Variants in UBE2E2 observed in about 807,000 individuals in gnomAD.
UBE2E2 encodes ubiquitin-conjugating enzyme E2 E2.
Under a neutral mutation model 24.7 loss-of-function variants are expected in UBE2E2, and 6 were observed. The observed-to-expected ratio is 0.24, with a 90% CI of 0.13 to 0.48. The LOEUF is 0.48. Among genes scored for constraint, UBE2E2 ranks in the 20% least tolerant of loss-of-function variants. UBE2E2 has a pLI of 0.99. For missense variants in UBE2E2, 169 were observed against 245.0 expected (o/e 0.69, Z 2.07); for synonymous variants, 104 against 83.6 (o/e 1.24, Z -1.33).
At chr3:23,332,026 T>A (rs1041138124) in intron 3 of UBE2E2, among the ~76,000 whole-genome samples, 1 of 152,224 alleles carries the variant, frequency 6.6e-6, no homozygotes, top group Non-Finnish European at 1.5e-5. Flanking sequence ...TTTACCTTAA[T>A]ACGGATCTGA....
intron 3 of UBE2E2, among the ~76,000 whole-genome samples, chr3:23,268,978 G>A (rs1474472340): frequency 6.6e-6 from 1 of 151,854 alleles, no homozygotes; most frequent in Admixed American, 6.6e-5. Flanking sequence ...AATAAATGGT[G>A]CTGGGAAAAC....
rs367718010 is a variant in UBE2E2 at position 23,424,415 on chromosome 3, A to G, written c.228-75193A>G. Among the ~76,000 whole-genome samples the G allele has an allele frequency of 3.3e-5, 5 of 151,136 alleles. No homozygotes were observed. In the East Asian group the frequency reaches 5.9e-4, roughly 18 times the overall value. On this transcript the variant is annotated intron_variant, in intron 3 of 5. Coordinates refer to ENST00000396703, the MANE Select transcript of UBE2E2 (RefSeq NM_152653.4). ...GGTAGCCTTTCTGGGAGGAGAGCAC[A>G]TATTAACTGACTTAAACACCTTTGT...
At chr3:23,411,257 G>A (rs115867739) in intron 3 of UBE2E2, among the ~76,000 whole-genome samples, 2,530 of 152,302 alleles carry the variant, frequency 0.017, 29 homozygotes, top group Non-Finnish European at 0.028. Flanking sequence ...GTCAGAAGCA[G>A]TTTGGCTGAT....
intron 4 of UBE2E2, among the ~76,000 whole-genome samples, chr3:23,519,330 A>G (rs2125473246): frequency 6.6e-6 from 1 of 152,200 alleles, no homozygotes; most frequent in African/African-American, 2.4e-5. Flanking sequence ...AATTCAAATC[A>G]TCACATAGTA....
chr3:23,437,074 C>T (rs970862458), intron 3 of UBE2E2, among the ~76,000 whole-genome samples: 26 of 152,348 alleles, frequency 1.7e-4, no homozygotes, highest in Non-Finnish European at 1.2e-4. Context: ...TGAGCTGGCC[C>T]CTGCCTGCTT....
At chr3:23,554,292 C>A (rs1011970757) in intron 5 of UBE2E2, among the ~76,000 whole-genome samples, 14 of 152,092 alleles carry the variant, frequency 9.2e-5, no homozygotes, top group Non-Finnish European at 1.5e-5. Flanking sequence ...CAAGAAGACA[C>A]AATGGGGAGA....
chr3:23,337,250 A>C (rs1030555381), intron 3 of UBE2E2, among the ~76,000 whole-genome samples: 4 of 152,188 alleles, frequency 2.6e-5, no homozygotes, highest in African/African-American at 9.7e-5. Context: ...CATCCATAAA[A>C]ATTATAGAAA....
At chr3:23,377,240 T>A (rs1696547685) in intron 3 of UBE2E2, among the ~76,000 whole-genome samples, 1 of 152,108 alleles carries the variant, frequency 6.6e-6, no homozygotes, top group Admixed American at 6.5e-5. Flanking sequence ...TCAGAACTCA[T>A]CTACCTGAAA....
At chr3:23,278,073 T>C (rs1225702512) in intron 3 of UBE2E2, among the ~76,000 whole-genome samples, 2 of 152,100 alleles carry the variant, frequency 1.3e-5, no homozygotes, top group African/African-American at 4.8e-5. Flanking sequence ...AAATAGCTGA[T>C]AAATGAGTGG....
rs1696701569 is a variant in UBE2E2, at chr3:23,589,193, A to G, written c.509-541A>G. Among the ~76,000 whole-genome samples the G allele has an allele frequency of 1.3e-5, 2 of 152,094 alleles. No individual in the cohort carries two copies. The highest frequency in any genetic ancestry group is 4.8e-5 in the African/African-American group (2 of 41,414). On this transcript the variant is annotated intron_variant, in intron 5 of 5. Coordinates refer to ENST00000396703, the MANE Select transcript of UBE2E2 (RefSeq NM_152653.4). The surrounding 1 kb of genome is among the most constrained non-coding windows in gnomAD (Gnocchi z 4.1). ...CACTTTGGGAGGCTGAGGCAGGAGGATAACTTGAGCCCAGGAGTTTGAGAC... is the reference window on the plus strand; with the variant it reads ...CACTTTGGGAGGCTGAGGCAGGAGGGTAACTTGAGCCCAGGAGTTTGAGAC...
intron 3 of UBE2E2, among the ~76,000 whole-genome samples, chr3:23,335,094 G>A (rs575907944): frequency 4.5e-4 from 69 of 152,176 alleles, no homozygotes; most frequent in East Asian, 3.7e-3. Flanking sequence ...TAGATTTCCA[G>A]GCATCTTAAT....
chr3:23,344,925 T>G (rs1695506690), intron 3 of UBE2E2, among the ~76,000 whole-genome samples: 1 of 152,112 alleles, frequency 6.6e-6, no homozygotes, highest in South Asian at 2.1e-4. Flanking sequence ...AAAAGAAGTT[T>G]TATGAGGAGA....
intron 3 of UBE2E2, among the ~76,000 whole-genome samples, chr3:23,265,502 C>G (rs2101811): frequency 0.84 from 127,938 of 152,146 alleles, 53,903 homozygotes; most frequent in African/African-American, 0.9. Flanking sequence ...AGGGGTAAAA[C>G]ATGGAATAAG....
intron 3 of UBE2E2, among the ~76,000 whole-genome samples, chr3:23,416,267 A>G (rs1286039138): frequency 6.6e-6 from 1 of 152,116 alleles, no homozygotes; most frequent in Non-Finnish European, 1.5e-5. Context: ...ATCTCTCAGC[A>G]TTTGCTTGTC....
At chr3:23,471,941 T>TAAAAAA (rs5847234) in intron 3 of UBE2E2, among the ~76,000 whole-genome samples, 1 of 141,972 alleles carries the variant, frequency 7.0e-6, no homozygotes, top group Non-Finnish European at 1.5e-5. Context: ...AAAACATCTT[T>TAAAAAA]AAAAAAAAAA....
At chr3:23,363,249 G>T (rs1020308495) in intron 3 of UBE2E2, among the ~76,000 whole-genome samples, 5 of 152,228 alleles carry the variant, frequency 3.3e-5, no homozygotes, top group Non-Finnish European at 5.9e-5. Context: ...AATCAAGTCT[G>T]TGTGATAACC....
chr3:23,270,817 A>C (rs1282997278), intron 3 of UBE2E2: 7 of 409,058 alleles, frequency 1.7e-5, no homozygotes, highest in South Asian at 5.5e-5. Context: ...CATTTAACAC[A>C]CTCTCTTAGG....
At chr3:23,398,293 G>T (rs1697128362) in intron 3 of UBE2E2, among the ~76,000 whole-genome samples, 1 of 130,630 alleles carries the variant, frequency 7.7e-6, no homozygotes, top group South Asian at 2.4e-4. Context: ...ATTCTGGACA[G>T]CAGAGCAAGA....
At chr3:23,218,133 C>T (rs553594136) in intron 3 of UBE2E2, among the ~76,000 whole-genome samples, 11 of 152,056 alleles carry the variant, frequency 7.2e-5, no homozygotes, top group Non-Finnish European at 1.5e-4. Context: ...ATTTTCCCAA[C>T]GTTGAACGCA....
Sources: gnomAD v4.1 joint callset for allele counts (sites outside exome capture counted in the v4.1 genomes callset) on GRCh38, gnomAD v4.1.1 for gene constraint, Gnocchi (gnomAD v3.1) non-coding constraint, MANE v1.5 for transcripts, NCBI Gene and HGNC (gene_info 2026-07-23, HGNC 2026-07-21) for gene names.